Variants in SLC39A11 observed in about 807,000 individuals in gnomAD.
The protein encoded by SLC39A11 is solute carrier family 39 member 11, also known as zinc transporter ZIP11.
Under a neutral mutation model 36.1 loss-of-function variants are expected in SLC39A11, and 33 were observed. The observed-to-expected ratio is 0.91, with a 90% CI of 0.69 to 1.22. The LOEUF (loss-of-function observed/expected upper bound fraction) is 1.22, where lower values mean the gene tolerates loss of function less well. Ranked by LOEUF, SLC39A11 falls within the 50% of genes most tolerant of loss-of-function variation. The pLI is 0.00. For synonymous variants in SLC39A11, 166 were observed against 170.3 expected, an observed-to-expected ratio of 0.97 and a Z score of 0.20; for missense variants, 432 against 430.3, an observed-to-expected ratio of 1.00 and a Z score of -0.03.
intron 6 of SLC39A11, among the ~76,000 whole-genome samples, chr17:72,749,962 G>A (rs948357971): frequency 2.6e-5 from 4 of 152,096 alleles, no homozygotes; most frequent in Non-Finnish European, 4.4e-5. Context: ...GAGAGCACAC[G>A]CACAAAGAGA....
At chr17:72,971,469 G>C (rs2087449990) in intron 4 of SLC39A11, among the ~76,000 whole-genome samples, 2 of 152,040 alleles carry the variant, frequency 1.3e-5, no homozygotes, top group African/African-American at 2.4e-5. Flanking sequence ...GAAAATCTCA[G>C]CCCTTTATTT....
intron 5 of SLC39A11, among the ~76,000 whole-genome samples, chr17:72,915,712 C>A (rs148921042): frequency 5.9e-4 from 90 of 152,348 alleles, no homozygotes; most frequent in African/African-American, 1.8e-3. Flanking sequence ...GCCAGTCTGA[C>A]AATAACCACA....
chr17:72,791,582 C>T (rs543788623), intron 6 of SLC39A11, among the ~76,000 whole-genome samples: 2 of 152,222 alleles, frequency 1.3e-5, no homozygotes, highest in Non-Finnish European at 2.9e-5. Context: ...GACATTATTT[C>T]ATTCAATGCT....
chr17:72,959,677 A>G (rs368017211), intron 4 of SLC39A11, among the ~76,000 whole-genome samples: 7 of 152,194 alleles, frequency 4.6e-5, no homozygotes, highest in Admixed American at 2.6e-4. Flanking sequence ...GAACTTACTC[A>G]TGTAACCAAA....
chr17:72,822,722 T>C (rs1290587398), intron 6 of SLC39A11, among the ~76,000 whole-genome samples: 1 of 150,800 alleles, frequency 6.6e-6, no homozygotes, highest in Non-Finnish European at 1.5e-5. Flanking sequence ...TTTTTTTCTT[T>C]CTTTCTTTTC....
chr17:73,028,972 G>A (rs1438709575), intron 4 of SLC39A11, among the ~76,000 whole-genome samples: 1 of 151,942 alleles, frequency 6.6e-6, no homozygotes, highest in East Asian at 1.9e-4. Flanking sequence ...ACAAAAATTA[G>A]CCAGGCATGG....
intron 4 of SLC39A11, among the ~76,000 whole-genome samples, chr17:72,959,323 GTGTA>G (rs1254955041): frequency 0.014 from 1,119 of 81,284 alleles, 5 homozygotes; most frequent in Middle Eastern, 0.042. Flanking sequence ...GTGTGTGTGT[GTGTA>G]TATATATATA....
intron 5 of SLC39A11, among the ~76,000 whole-genome samples, chr17:72,870,905 G>A (rs2080578619): frequency 6.6e-6 from 1 of 152,120 alleles, no homozygotes; most frequent in Admixed American, 6.6e-5. Flanking sequence ...ACATATTTTG[G>A]TCTTCATCTT....
chr17:73,081,906 C>T (rs1487005997), intron 3 of SLC39A11, among the ~76,000 whole-genome samples: 1 of 150,440 alleles, frequency 6.6e-6, no homozygotes, highest in African/African-American at 2.4e-5. Flanking sequence ...CACTCATAAG[C>T]GGGAGCTAAG....
chr17:72,714,688 G>C (rs2073271292), intron 7 of SLC39A11, among the ~76,000 whole-genome samples: 1 of 152,186 alleles, frequency 6.6e-6, no homozygotes, highest in Admixed American at 6.5e-5. Flanking sequence ...CACCGTGTCT[G>C]TGTTGAGCCT....
chr17:72,881,755 G>C (rs1373259201), intron 5 of SLC39A11, among the ~76,000 whole-genome samples: 2 of 152,196 alleles, frequency 1.3e-5, no homozygotes, highest in Admixed American at 1.3e-4. Context: ...CAAAACAAGA[G>C]AGCTCCCCAA....
rs192709229 is a variant in SLC39A11 at position 72,900,192 on chromosome 17, A to G, written c.430+47560T>C. Among the ~76,000 whole-genome samples, 1,216 of 137,112 alleles carry G rather than the reference A, an allele frequency of 8.9e-3. 183 individuals carry two copies. Among genetic ancestry groups the G allele is most frequent in the African/African-American group, 0.038 (1,131 of 29,502 alleles). 90.0% of individuals were successfully genotyped at this position (137,112 alleles called of 152,430 possible). A position where few individuals can be genotyped will look rare whatever the true frequency, so the allele number is the denominator to read the frequency against. ...AAGAAAGAAAGAAAGAAAGAAAGAA[A>G]GAAAGAAAGAAAGAAAGAAAGAAAG... On this transcript the variant is annotated intron_variant, in intron 5 of 9. Coordinates refer to ENST00000255559, the MANE Select transcript of SLC39A11 (RefSeq NM_139177.4).
intron 4 of SLC39A11, among the ~76,000 whole-genome samples, chr17:73,008,586 T>C (rs1228323456): frequency 6.6e-6 from 1 of 152,158 alleles, no homozygotes; most frequent in Non-Finnish European, 1.5e-5. Context: ...CACCAGGATA[T>C]AGACCCAAAA....
intron 7 of SLC39A11, among the ~76,000 whole-genome samples, chr17:72,724,580 G>A (rs918949338): frequency 6.6e-6 from 1 of 152,100 alleles, no homozygotes; most frequent in Non-Finnish European, 1.5e-5. Flanking sequence ...TCTTAGAGGG[G>A]AGGAAAGAGC....
At chr17:72,967,343 G>A (rs545435374) in intron 4 of SLC39A11, among the ~76,000 whole-genome samples, 3 of 141,668 alleles carry the variant, frequency 2.1e-5, no homozygotes, top group Middle Eastern at 3.8e-3. Flanking sequence ...ACACCCTCAT[G>A]AGAAGAAAAT....
intron 7 of SLC39A11, among the ~76,000 whole-genome samples, chr17:72,725,896 T>G (rs549228260): frequency 6.6e-6 from 1 of 152,306 alleles, no homozygotes; most frequent in Admixed American, 6.5e-5. Context: ...AGAACAGGAT[T>G]GTGCCGAAGT....
intron 4 of SLC39A11, among the ~76,000 whole-genome samples, chr17:72,972,580 C>T (rs138300816): frequency 5.3e-5 from 8 of 152,140 alleles, no homozygotes; most frequent in East Asian, 1.9e-4. Flanking sequence ...CCTGAGCCAA[C>T]GGAGACTTAA....
intron 5 of SLC39A11, among the ~76,000 whole-genome samples, chr17:72,857,048 CG>C (rs1463002047): frequency 2.0e-5 from 3 of 152,148 alleles, no homozygotes; most frequent in African/African-American, 7.2e-5. Flanking sequence ...ACTCATGTCA[CG>C]GGGGTTTGTT....
At chr17:72,921,247 G>T (rs1451514790) in intron 5 of SLC39A11, among the ~76,000 whole-genome samples, 1 of 152,170 alleles carries the variant, frequency 6.6e-6, no homozygotes, top group Non-Finnish European at 1.5e-5. Context: ...ACCTGCTGCT[G>T]ATGCTGCACT....
Sources: gnomAD v4.1 joint callset for allele counts (sites outside exome capture counted in the v4.1 genomes callset) on GRCh38, gnomAD v4.1.1 for gene constraint, MANE v1.5 for transcripts, NCBI Gene and HGNC (gene_info 2026-07-23, HGNC 2026-07-21) for gene names.